Variants in PPP2R3A observed in about 807,000 individuals in gnomAD.
PPP2R3A encodes protein phosphatase 2 regulatory subunit B''alpha.
In PPP2R3A, 80 loss-of-function variants were observed where a neutral mutation model predicts 106.9. The ratio of observed to expected loss-of-function variants is 0.75; its 90% CI spans 0.62 to 0.90. The LOEUF (loss-of-function observed/expected upper bound fraction) is 0.90, where lower values mean the gene tolerates loss of function less well. Among genes scored for constraint, PPP2R3A ranks in the 40% least tolerant of loss-of-function variants. PPP2R3A has a pLI of 0.00. For missense variants in PPP2R3A, 1,386 were observed against 1,350.4 expected (o/e 1.03, Z -0.41); for synonymous variants, 483 against 468.3 (o/e 1.03, Z -0.41).
In PPP2R3A at chr3:136,027,095, A is replaced by C. The variant is rs1348857562; in HGVS notation, c.2259A>C (p.Ala753=). The C allele has an allele frequency of 2.5e-6, 4 of 1,611,450 alleles. No individual in the cohort carries two copies. In the East Asian group the frequency reaches 6.7e-5, roughly 27 times the overall value. Residue 753 remains alanine (A), a synonymous_variant, in exon 3 of 14, where the codon GCA becomes GCC. Transcript: ENST00000264977. ...KADIYEMGKI[A]KVCGCPLYWK... ...ACATTTATGAAATGGGGAAAATTGC[A>C]AAGGTAATGTAACTACTAAATGATT...
At chr3:136,099,254 C>G (rs1052697693) in intron 10 of PPP2R3A, among the ~76,000 whole-genome samples, 21 of 152,088 alleles carry the variant, frequency 1.4e-4, no homozygotes, top group Non-Finnish European at 5.9e-5. Flanking sequence ...ATCAGAACCT[C>G]CAATCAGCTT....
At chr3:136,011,359 C>T (rs946931378) in intron 2 of PPP2R3A, among the ~76,000 whole-genome samples, 2 of 152,158 alleles carry the variant, frequency 1.3e-5, no homozygotes, top group African/African-American at 4.8e-5. Context: ...TGCTATATCC[C>T]TGGTAGCTGG....
At position 136,026,907 on chromosome 3, in the gene PPP2R3A, C is replaced by T. The variant is rs561752361; in HGVS notation, c.2071C>T (p.Leu691Phe). The T allele has an allele frequency of 6.2e-6, 10 of 1,613,266 alleles. No homozygotes were observed. In the African/African-American group the frequency reaches 8.0e-5, roughly 13 times the overall value. ...CACCTCTCCAAGTAGTCCCCGACCT[C>T]TCTCCCCGGTTCCCCATGTGAATAA... ...PATSPSSPRPLSPVPHVNNVV... is the reference protein window; with the variant it reads ...PATSPSSPRPFSPVPHVNNVV... Residue 691 changes from leucine (L) to phenylalanine (F), a missense_variant, in exon 3 of 14, where the codon CTC (leucine) becomes TTC (phenylalanine). By Grantham distance (22) the Leu-to-Phe change is conservative (BLOSUM62 0). Transcript: ENST00000264977.
chr3:135,984,029 C>T (rs911325721), intron 1 of PPP2R3A, among the ~76,000 whole-genome samples: 3 of 152,098 alleles, frequency 2.0e-5, no homozygotes, highest in Admixed American at 6.5e-5. Context: ...TGGAGTTTAA[C>T]AGAAATCCAC....
intron 1 of PPP2R3A, among the ~76,000 whole-genome samples, chr3:135,990,189 TTCTTA>T (rs1277730477): frequency 6.6e-6 from 1 of 152,174 alleles, no homozygotes; most frequent in East Asian, 1.9e-4. Context: ...TTCTTTGGGA[TTCTTA>T]TCTTATCCCA....
rs1016665330 is a variant in PPP2R3A at position 136,146,936 on chromosome 3, A to G, written c.*1770A>G. On this transcript the variant is annotated 3_prime_UTR_variant, in exon 14 of 14. Coordinates refer to ENST00000264977, the MANE Select transcript of PPP2R3A (RefSeq NM_002718.5). ...AATGTTTTATTATCCATAATGATCT[A>G]AACTAATAAGATTCACCAAAAAGTA... 1.3e-5 allele frequency: 2 copies of G among 152,096 alleles called. No individual in the cohort carries two copies. Among genetic ancestry groups the G allele is most frequent in the Non-Finnish European group, 2.9e-5 (2 of 68,002 alleles). 9.4% of individuals were successfully genotyped at this position (152,096 alleles called of 1,614,324 possible).
intron 5 of PPP2R3A, among the ~76,000 whole-genome samples, chr3:136,063,275 G>T (rs1258884325): frequency 6.6e-6 from 1 of 152,166 alleles, no homozygotes; most frequent in Non-Finnish European, 1.5e-5. Flanking sequence ...ATTAATTCAA[G>T]ATGGATTAAA....
chr3:136,050,360 T>C (rs747449737), intron 5 of PPP2R3A, among the ~76,000 whole-genome samples: 3 of 152,216 alleles, frequency 2.0e-5, no homozygotes, highest in Non-Finnish European at 4.4e-5. Context: ...TTTCTAACTT[T>C]AGCCTTCGTT....
At chr3:136,028,829 GT>G (rs1934757629) in intron 3 of PPP2R3A, among the ~76,000 whole-genome samples, 1 of 151,994 alleles carries the variant, frequency 6.6e-6, no homozygotes, top group Non-Finnish European at 1.5e-5. Context: ...GGTTGTTGTT[GT>G]TGTTTTTTGT....
Position 136,090,809 on chromosome 3 carries a change from G to C in PPP2R3A, c.2927+142G>C, listed in dbSNP as rs552855419. ...TAGACTTAGTTTCTGCCGTCTCGGA[G>C]CTCTCCGTCTCAGGAGATTGGCACT... On this transcript the variant is annotated intron_variant, in intron 10 of 13. Transcript: ENST00000264977. The C allele has an allele frequency of 3.1e-5, 19 of 620,068 alleles. No homozygotes were observed. In the East Asian group the frequency reaches 3.4e-4, roughly 11 times the overall value. 38.4% of individuals were successfully genotyped at this position (620,068 alleles called of 1,614,324 possible).
At chr3:136,136,069 AAAAATT>A (rs1559940216) in intron 13 of PPP2R3A, among the ~76,000 whole-genome samples, 29 of 50,610 alleles carry the variant, frequency 5.7e-4, no homozygotes, top group Non-Finnish European at 9.3e-4. Flanking sequence ...AAAAAAAAAA[AAAAATT>A]ATATATATAT....
chr3:136,108,293 TA>T (rs1479434316), intron 13 of PPP2R3A, among the ~76,000 whole-genome samples: 1 of 152,180 alleles, frequency 6.6e-6, no homozygotes, highest in Non-Finnish European at 1.5e-5. Flanking sequence ...GGAAGATTAA[TA>T]AAATTATACT....
chr3:136,113,688 A>G (rs1937635395), intron 13 of PPP2R3A, among the ~76,000 whole-genome samples: 1 of 151,952 alleles, frequency 6.6e-6, no homozygotes, highest in Non-Finnish European at 1.5e-5. Flanking sequence ...TCAGCTACTC[A>G]GGAGGCTGAG....
At chr3:135,979,640 A>T (rs1937512291) in intron 1 of PPP2R3A, among the ~76,000 whole-genome samples, 1 of 151,878 alleles carries the variant, frequency 6.6e-6, no homozygotes, top group African/African-American at 2.4e-5. Flanking sequence ...TGGTTGTAAA[A>T]GTGGGCACAT....
At chr3:136,135,826 A>T (rs533262666) in intron 13 of PPP2R3A, among the ~76,000 whole-genome samples, 1 of 152,146 alleles carries the variant, frequency 6.6e-6, no homozygotes, top group Non-Finnish European at 1.5e-5. Context: ...CGAGGCAGGC[A>T]GATGAGGCCA....
intron 1 of PPP2R3A, among the ~76,000 whole-genome samples, chr3:135,985,820 T>A (rs1419500046): frequency 6.6e-6 from 1 of 152,114 alleles, no homozygotes; most frequent in Non-Finnish European, 1.5e-5. Context: ...GGACAGAATA[T>A]CAGATGAATT....
At chr3:136,050,791 A>G (rs1194591512) in intron 5 of PPP2R3A, among the ~76,000 whole-genome samples, 3 of 152,012 alleles carry the variant, frequency 2.0e-5, no homozygotes, top group Non-Finnish European at 4.4e-5. Context: ...TCTGCCTTCA[A>G]TTCTCCTTGC....
intron 3 of PPP2R3A, among the ~76,000 whole-genome samples, chr3:136,032,833 C>T (rs972033876): frequency 5.3e-5 from 8 of 152,114 alleles, no homozygotes; most frequent in African/African-American, 9.7e-5. Flanking sequence ...CACACCCGGC[C>T]GACTTCCTCT....
intron 13 of PPP2R3A, among the ~76,000 whole-genome samples, chr3:136,117,423 G>T (rs991382735): frequency 6.6e-6 from 1 of 151,888 alleles, no homozygotes; most frequent in South Asian, 2.1e-4. Flanking sequence ...AAAGCCCTTC[G>T]AAAAATCAAT....
Sources: gnomAD v4.1 joint callset for allele counts (sites outside exome capture counted in the v4.1 genomes callset) on GRCh38, gnomAD v4.1.1 for gene constraint, MANE v1.5 for transcripts, NCBI Gene and HGNC (gene_info 2026-07-23, HGNC 2026-07-21) for gene names.